The following RNF168 variants were observed in gnomAD, a reference collection of about 807,000 sequenced individuals.
RNF168 encodes the protein E3 ubiquitin-protein ligase RNF168.
In RNF168, 34 loss-of-function variants were observed where a neutral mutation model predicts 34.9. The ratio of observed to expected loss-of-function variants is 0.97; its 90% CI spans 0.74 to 1.30. The LOEUF (loss-of-function observed/expected upper bound fraction) is 1.30. Among genes scored for constraint, RNF168 ranks in the 50% most tolerant of loss-of-function variants. The pLI is 0.00. For missense variants in RNF168, 725 were observed against 682.5 expected (o/e 1.06, Z -0.69); for synonymous variants, 264 against 254.7 (o/e 1.04, Z -0.35).
In RNF168 at chr3:196,472,263, GTTTA is replaced by G. The variant is rs1732026024; in HGVS notation, c.1268_1271del (p.Ile423ThrfsTer6). ...CCAAATCTATCAGTTTTTGGGTAAA[GTTTA>G]TTTCTGTTTCCTCTTGATCTGGGGA... On this transcript the variant is annotated frameshift_variant, in exon 6 of 6. Transcript: ENST00000318037. LOFTEE classifies it low-confidence loss of function (END_TRUNC). The G allele has an allele frequency of 1.9e-6, 3 of 1,613,998 alleles. No homozygotes were observed. The East Asian group carries it at 6.7e-5, about 36-fold the overall frequency.
intron 4 of RNF168, among the ~76,000 whole-genome samples, chr3:196,476,486 G>T (rs1310141058): frequency 6.7e-6 from 1 of 150,024 alleles, no homozygotes; most frequent in Non-Finnish European, 1.5e-5. Context: ...GTGCAATCTC[G>T]GCTCACTGCA....
At chr3:196,477,784 C>T (rs1024794081) in intron 4 of RNF168, among the ~76,000 whole-genome samples, 1 of 152,132 alleles carries the variant, frequency 6.6e-6, no homozygotes, top group East Asian at 1.9e-4. Context: ...AATACATGCT[C>T]ATTCTGAAAA....
chr3:196,475,671 C>T (rs1388368927), intron 4 of RNF168, among the ~76,000 whole-genome samples: 4 of 150,872 alleles, frequency 2.7e-5, no homozygotes, highest in Non-Finnish European at 5.9e-5. Context: ...CTGCCTCAGC[C>T]TCCCAAGTAG....
Position 196,470,437 on chromosome 3 carries a change from C to G in RNF168, c.*1382G>C, listed in dbSNP as rs1167929910. ...AATCAGTTTCAATGATCCAGACTGT[C>G]AGTCACCCCATCCAGCCTCATCCTC... On this transcript the variant is annotated 3_prime_UTR_variant, in exon 6 of 6. Transcript: ENST00000318037. 2.6e-5 allele frequency: 4 copies of G among 153,610 alleles called. No homozygotes were observed. Among genetic ancestry groups the G allele is most frequent in the Non-Finnish European group, 4.3e-5 (3 of 69,074 alleles). The allele number at this position is 153,610 out of a possible 1,614,324, so 9.5% of individuals were successfully genotyped here.
chr3:196,471,712 G>C lies in RNF168; in HGVS notation c.*107C>G. 2.5e-6 allele frequency: 2 copies of C among 792,426 alleles called. No individual in the cohort carries two copies. The highest frequency in any genetic ancestry group is 5.1e-5 in the East Asian group (2 of 39,264). 49.1% of individuals were successfully genotyped at this position (792,426 alleles called of 1,614,324 possible). A position where few individuals can be genotyped will look rare whatever the true frequency, so the allele number is the denominator to read the frequency against. The stretch of plus-strand genomic sequence containing the variant: ...CACAGACCTTCATTAAGGACAATGA[G>C]TGTGCCTAGAGAGCAGCATGAATGA... On this transcript the variant is annotated 3_prime_UTR_variant, in exon 6 of 6. Transcript: ENST00000318037.
intron 4 of RNF168, among the ~76,000 whole-genome samples, chr3:196,480,459 T>C (rs1377973404): frequency 6.6e-6 from 1 of 152,214 alleles, no homozygotes; most frequent in African/African-American, 2.4e-5. Flanking sequence ...CTTTATTGAT[T>C]AGTATTGTGT....
At position 196,487,648 on chromosome 3, in the gene RNF168, G is replaced by T; in HGVS notation, c.379-70C>A. The T allele has an allele frequency of 7.2e-7, 1 of 1,397,374 alleles. No homozygotes were observed. 86.6% of individuals were successfully genotyped at this position (1,397,374 alleles called of 1,614,324 possible). ...GTATACTTGCAATATTTCATAACAA[G>T]AATAGAAAAGTAGAAAAAGAACAAA... On this transcript the variant is annotated intron_variant, in intron 2 of 5. Transcript: ENST00000318037.
rs923786708 is a variant in RNF168 at position 196,477,340 on chromosome 3, A to G, written c.681-2028T>C. ...AATTAGAGAAAAAAAGTGACTATAA[A>G]TAACAGACAAATCCATAAGTTACAC... On this transcript the variant is annotated intron_variant, in intron 4 of 5. Transcript: ENST00000318037. 1.3e-5 allele frequency among the ~76,000 whole-genome samples: 2 copies of G among 152,166 alleles called. 1 individual carries two copies. Among genetic ancestry groups the G allele is most frequent in the Non-Finnish European group, 2.9e-5 (2 of 68,000 alleles).
chr3:196,471,274 C>G lies in RNF168; in HGVS notation c.*545G>C, dbSNP rs1283110744. 1 of 145,620 alleles carries G rather than the reference C, an allele frequency of 6.9e-6. No homozygotes were observed. The highest frequency in any genetic ancestry group is 2.5e-5 in the African/African-American group (1 of 39,662). 9.0% of individuals were successfully genotyped at this position (145,620 alleles called of 1,614,324 possible). On this transcript the variant is annotated 3_prime_UTR_variant, in exon 6 of 6. Coordinates refer to ENST00000318037, the MANE Select transcript of RNF168 (RefSeq NM_152617.4). ...GAATATGAATCCAAATTTTGAAACT[C>G]CGTCTAAAAAAAAAAAACAAACACC...
In RNF168 at chr3:196,503,257, A is replaced by G; in HGVS notation, c.-84T>C. 8.0e-7 allele frequency: 1 copy of G among 1,252,052 alleles called. No homozygotes were observed. Among genetic ancestry groups the G allele is most frequent in the Non-Finnish European group, 1.2e-6 (1 of 862,806 alleles). The allele number at this position is 1,252,052 out of a possible 1,614,324, so 77.6% of individuals were successfully genotyped here. ...TTCGGCCAACCACAGAGAGAGCAAAAGCAGTTTTGTGTTTCAGTATTATGC... is the reference window on the plus strand; with the variant it reads ...TTCGGCCAACCACAGAGAGAGCAAAGGCAGTTTTGTGTTTCAGTATTATGC... On this transcript the variant is annotated 5_prime_UTR_variant, in exon 1 of 6. Coordinates refer to ENST00000318037, the MANE Select transcript of RNF168 (RefSeq NM_152617.4).
rs1016057157 is a variant in RNF168 at position 196,471,042 on chromosome 3, G to T, written c.*777C>A. On this transcript the variant is annotated 3_prime_UTR_variant, in exon 6 of 6. Transcript: ENST00000318037. ...AAAGTACAAAAAAAAAAAAAAATTAGCTGGGTAGCTGGGTGTAGTGGCACA... is the reference window on the plus strand; with the variant it reads ...AAAGTACAAAAAAAAAAAAAAATTATCTGGGTAGCTGGGTGTAGTGGCACA... 2 of 144,304 alleles carry T rather than the reference G, an allele frequency of 1.4e-5. No individual in the cohort carries two copies. The highest frequency in any genetic ancestry group is 5.2e-5 in the African/African-American group (2 of 38,616). The allele number at this position is 144,304 out of a possible 1,614,324, so 8.9% of individuals were successfully genotyped here. A position where few individuals can be genotyped will look rare whatever the true frequency, so the allele number is the denominator to read the frequency against.
chr3:196,483,398 T>C (rs1463365025), intron 4 of RNF168, among the ~76,000 whole-genome samples: 1 of 152,216 alleles, frequency 6.6e-6, no homozygotes, highest in Non-Finnish European at 1.5e-5. Context: ...TCTACCTGAC[T>C]CATGCATTTT....
chr3:196,473,785 A>C (rs1032811502), intron 5 of RNF168, among the ~76,000 whole-genome samples: 1 of 152,124 alleles, frequency 6.6e-6, no homozygotes, highest in Non-Finnish European at 1.5e-5. Flanking sequence ...ACTGTACTCC[A>C]GCCTGGACGA....
At chr3:196,495,182 T>C (rs1194070535) in intron 1 of RNF168, among the ~76,000 whole-genome samples, 1 of 152,030 alleles carries the variant, frequency 6.6e-6, no homozygotes, top group Non-Finnish European at 1.5e-5. Flanking sequence ...CTTTCGTGTG[T>C]GTGTGTGTGT....
chr3:196,475,507 G>T, intron 4 of RNF168, 195 bp from the exon 5 acceptor site: 1 of 514,890 alleles, frequency 1.9e-6, no homozygotes. Flanking sequence ...TGATATTTTA[G>T]TGAAAAACAG....
chr3:196,475,362 T>C (rs1192164940), intron 4 of RNF168, 50 bp from the exon 5 acceptor site: 5 of 1,052,914 alleles, frequency 4.7e-6, no homozygotes, highest in East Asian at 4.7e-5. Flanking sequence ...ACAGATGGTA[T>C]GTACCCAACA....
intron 2 of RNF168, among the ~76,000 whole-genome samples, chr3:196,488,292 G>T (rs1047341664): frequency 4.1e-4 from 63 of 152,016 alleles, no homozygotes; most frequent in Admixed American, 1.2e-3. Context: ...CCATCCTGGT[G>T]AACACTGTGA....
At chr3:196,481,694 T>G (rs1732294648) in intron 4 of RNF168, among the ~76,000 whole-genome samples, 1 of 144,190 alleles carries the variant, frequency 6.9e-6, no homozygotes, top group Admixed American at 7.0e-5. Flanking sequence ...TTTTTTTTTT[T>G]TTTTTTTTTT....
At chr3:196,498,077 T>G (rs969390024) in intron 1 of RNF168, among the ~76,000 whole-genome samples, 1 of 152,206 alleles carries the variant, frequency 6.6e-6, no homozygotes, top group African/African-American at 2.4e-5. Context: ...CAAAAGTTGG[T>G]AAGATGTACG....
Sources: allele counts gnomAD v4.1 joint callset (sites outside exome capture counted in the v4.1 genomes callset), GRCh38; gene constraint gnomAD v4.1.1; transcripts MANE v1.5; gene names NCBI Gene and HGNC (gene_info 2026-07-23, HGNC 2026-07-21).